Variants in HEATR5A observed in about 807,000 individuals in gnomAD.
HEATR5A encodes HEAT repeat-containing protein 5A.
Under a neutral mutation model 218.8 loss-of-function variants are expected in HEATR5A, and 178 were observed. That is an observed-to-expected ratio of 0.81 (90% confidence interval 0.72 to 0.92). The LOEUF is 0.92. Ranked by LOEUF, HEATR5A falls within the 40% of genes least tolerant of loss-of-function variation. HEATR5A has a pLI of 0.00. For synonymous variants in HEATR5A, 864 were observed against 871.6 expected (o/e 0.99, Z 0.15); for missense variants, 2,420 against 2,418.9 (o/e 1.00, Z -0.01).
intron 30 of HEATR5A, among the ~76,000 whole-genome samples, chr14:31,307,564 C>T (rs1337250285): frequency 1.3e-5 from 2 of 152,072 alleles, no homozygotes; most frequent in African/African-American, 2.4e-5. Flanking sequence ...CAGGTATATA[C>T]ACAAAAAGCA....
chr14:31,370,793 T>G (rs1484010065), intron 13 of HEATR5A, among the ~76,000 whole-genome samples: 1 of 152,198 alleles, frequency 6.6e-6, no homozygotes, highest in Non-Finnish European at 1.5e-5. Context: ...AACATAATGT[T>G]GAATAACAAA....
intron 8 of HEATR5A, 86 bp from the exon 9 acceptor site, chr14:31,386,661 C>CA: frequency 1.8e-6 from 2 of 1,131,156 alleles, no homozygotes; most frequent in South Asian, 3.3e-5. Flanking sequence ...GGTATAACGG[C>CA]AAAAATTTAC....
chr14:31,315,211 G>A (rs1595088564), intron 27 of HEATR5A, among the ~76,000 whole-genome samples: 2 of 152,236 alleles, frequency 1.3e-5, no homozygotes, highest in East Asian at 1.9e-4. Flanking sequence ...GGTCATGTTT[G>A]GTAACTGCTG....
chr14:31,397,727 T>G (rs1012629689), intron 4 of HEATR5A, among the ~76,000 whole-genome samples: 1 of 150,288 alleles, frequency 6.7e-6, no homozygotes, highest in South Asian at 2.1e-4. Context: ...GGCATGACCA[T>G]AGCTCACGAC....
intron 21 of HEATR5A, chr14:31,340,621 C>T (rs1422522958): frequency 2.5e-6 from 1 of 402,236 alleles, no homozygotes; most frequent in African/African-American, 2.1e-5. Context: ...AAAAATTTGC[C>T]ACAAATATTT....
chr14:31,328,475 A>G (rs1289004908), intron 22 of HEATR5A, among the ~76,000 whole-genome samples: 1 of 152,150 alleles, frequency 6.6e-6, no homozygotes, highest in Non-Finnish European at 1.5e-5. Context: ...TGAGGGCTGC[A>G]AATCAATATT....
At chr14:31,339,429 GAC>G (rs1900771948) in intron 21 of HEATR5A, among the ~76,000 whole-genome samples, 1 of 120,320 alleles carries the variant, frequency 8.3e-6, no homozygotes, top group South Asian at 3.0e-4. Context: ...CAGCCTGGGT[GAC>G]AGAGTGAAAC....
chr14:31,342,056 A>G (rs1900858154), intron 21 of HEATR5A, among the ~76,000 whole-genome samples: 1 of 152,146 alleles, frequency 6.6e-6, no homozygotes, highest in African/African-American at 2.4e-5. Context: ...TACAGGAACA[A>G]AAGTTTCTAT....
intron 1 of HEATR5A, among the ~76,000 whole-genome samples, chr14:31,413,385 C>CTTT (rs533855913): frequency 7.8e-6 from 1 of 127,956 alleles, no homozygotes; most frequent in African/African-American, 2.9e-5. Flanking sequence ...ACTCTGCCTT[C>CTTT]TTTTTTTTTT....
At chr14:31,333,080 T>A (rs1386061027) in intron 22 of HEATR5A, among the ~76,000 whole-genome samples, 1 of 150,068 alleles carries the variant, frequency 6.7e-6, no homozygotes, top group Non-Finnish European at 1.5e-5. Context: ...CTGGGAGAGG[T>A]GAGGAAGCTA....
intron 16 of HEATR5A, among the ~76,000 whole-genome samples, chr14:31,357,332 A>G (rs1901458348): frequency 6.6e-6 from 1 of 152,242 alleles, no homozygotes; most frequent in Admixed American, 6.5e-5. Flanking sequence ...TCTTCACCAA[A>G]GAGATAAAGG....
Position 31,296,013 on chromosome 14 carries a change from T to G in HEATR5A, c.5515A>C (p.Thr1839Pro), listed in dbSNP as rs982553643. 4 of 1,613,040 alleles carry G rather than the reference T, an allele frequency of 2.5e-6. No individual in the cohort carries two copies. Among genetic ancestry groups the G allele is most frequent in the Non-Finnish European group, 3.4e-6 (4 of 1,179,086 alleles). Reference protein sequence around the residue: ...LDEVSLLTAITVFILSTSPEV... With the variant: ...LDEVSLLTAIPVFILSTSPEV... ...GGACTGGTAGACAAAATAAACACTG[T>G]GATAGCAGTAAGTAGACTGACTTCA... The change falls in exon 34 of 36, where the codon ACA (threonine) becomes CCA (proline). Residue 1839 changes from threonine to proline, a missense_variant. Transcript: ENST00000543095.
chr14:31,361,174 C>A (rs1474532141), intron 14 of HEATR5A, among the ~76,000 whole-genome samples: 2 of 152,108 alleles, frequency 1.3e-5, no homozygotes, highest in Non-Finnish European at 2.9e-5. Flanking sequence ...AACCACCGTG[C>A]TGAATCACTC....
chr14:31,393,257 C>T (rs1469692873), intron 6 of HEATR5A, among the ~76,000 whole-genome samples: 2 of 152,192 alleles, frequency 1.3e-5, no homozygotes, highest in African/African-American at 4.8e-5. Context: ...CGCCTGTAAT[C>T]CCAGCACTTT....
At chr14:31,346,796 G>A (rs1385489018) in intron 19 of HEATR5A, among the ~76,000 whole-genome samples, 1 of 152,168 alleles carries the variant, frequency 6.6e-6, no homozygotes, top group Non-Finnish European at 1.5e-5. Flanking sequence ...GAATTAGGAG[G>A]CTATGACAGT....
At chr14:31,403,452 T>C (rs1015718628) in intron 1 of HEATR5A, among the ~76,000 whole-genome samples, 1 of 152,202 alleles carries the variant, frequency 6.6e-6, no homozygotes, top group Non-Finnish European at 1.5e-5. Context: ...TAGAATTCTA[T>C]AGTAAAGCTT....
chr14:31,405,155 C>T (rs2031015808), intron 1 of HEATR5A, among the ~76,000 whole-genome samples: 1 of 151,338 alleles, frequency 6.6e-6, no homozygotes, highest in Non-Finnish European at 1.5e-5. Flanking sequence ...ACGATGTGAC[C>T]AGGTGTGGTG....
intron 16 of HEATR5A, among the ~76,000 whole-genome samples, chr14:31,357,640 T>C (rs1269728713): frequency 1.3e-5 from 2 of 152,212 alleles, no homozygotes; most frequent in African/African-American, 4.8e-5. Flanking sequence ...GAGAAATCAT[T>C]ATCACCCTTT....
chr14:31,337,781 C>T (rs1297270287), intron 21 of HEATR5A, among the ~76,000 whole-genome samples, 167 bp from the exon 22 acceptor site: 1 of 152,094 alleles, frequency 6.6e-6, no homozygotes, highest in East Asian at 1.9e-4. Context: ...GAATATATTT[C>T]TGATTCTGTA....
Sources: allele counts gnomAD v4.1 joint callset (sites outside exome capture counted in the v4.1 genomes callset), GRCh38; gene constraint gnomAD v4.1.1; transcripts MANE v1.5; gene names NCBI Gene and HGNC (gene_info 2026-07-23, HGNC 2026-07-21).